Variants in FBXO21 observed in about 807,000 individuals in gnomAD.
FBXO21 encodes F-box protein 21, also known as F-box only protein 21.
FBXO21 carries 32 observed loss-of-function variants against 76.6 expected under a neutral mutation model. The observed-to-expected ratio is 0.42, with a 90% CI of 0.32 to 0.56. FBXO21 has a LOEUF of 0.56. Ranked by LOEUF, FBXO21 falls within the 20% of genes least tolerant of loss-of-function variation. FBXO21 has a pLI of 0.16. For missense variants in FBXO21, 586 were observed against 797.3 expected (o/e 0.73, Z 3.19); for synonymous variants, 328 against 311.5 (o/e 1.05, Z -0.56).
At chr12:117,147,378 G>A (rs1486323866) in intron 11 of FBXO21, among the ~76,000 whole-genome samples, 2 of 151,104 alleles carry the variant, frequency 1.3e-5, no homozygotes, top group African/African-American at 2.4e-5. Context: ...GAGGTAGGGG[G>A]TCATGAGGTC....
At chr12:117,183,737 C>T (rs1177077904) in intron 3 of FBXO21, among the ~76,000 whole-genome samples, 2 of 152,158 alleles carry the variant, frequency 1.3e-5, no homozygotes, top group East Asian at 1.9e-4. Context: ...TCACTGTCTC[C>T]GCATTGTCCT....
rs746210125 is a variant in FBXO21 at position 117,153,433 on chromosome 12, A to T, written c.1675+2358T>A. 9.0e-4 allele frequency among the ~76,000 whole-genome samples: 137 copies of T among 152,310 alleles called. 1 individual carries two copies. Among genetic ancestry groups the T allele is most frequent in the Non-Finnish European group, 1.1e-3 (74 of 68,026 alleles). ...ATGGGTTCAGTGAGTCGGGGTAACA[A>T]TGTTGGAGAGAAGACCCCTGAGAGC... On this transcript the variant is annotated intron_variant, in intron 11 of 11. Transcript: ENST00000622495.
At chr12:117,158,428 T>A (rs1042037851) in intron 9 of FBXO21, among the ~76,000 whole-genome samples, 13 of 152,184 alleles carry the variant, frequency 8.5e-5, no homozygotes, top group African/African-American at 3.1e-4. Flanking sequence ...TAACAGCACC[T>A]AGCATGCTTG....
At chr12:117,171,357 CAAAAAAA>C (rs57835444) in intron 7 of FBXO21, among the ~76,000 whole-genome samples, 22 of 52,660 alleles carry the variant, frequency 4.2e-4, no homozygotes, top group African/African-American at 1.0e-3. Flanking sequence ...GACCCTGTCT[CAAAAAAA>C]AAAAAAAAAA....
At chr12:117,183,811 T>G (rs1436415397) in intron 3 of FBXO21, among the ~76,000 whole-genome samples, 2 of 152,248 alleles carry the variant, frequency 1.3e-5, no homozygotes, top group Non-Finnish European at 2.9e-5. Context: ...GAATGTTCAC[T>G]GTGATCATTT....
intron 11 of FBXO21, among the ~76,000 whole-genome samples, chr12:117,150,600 A>G (rs1461630572): frequency 6.6e-6 from 1 of 150,862 alleles, no homozygotes; most frequent in Non-Finnish European, 1.5e-5. Flanking sequence ...TCCAGTCTGC[A>G]TAGACCCCAG....
intron 9 of FBXO21, among the ~76,000 whole-genome samples, chr12:117,159,987 C>A (rs1955959721): frequency 6.6e-6 from 1 of 152,186 alleles, no homozygotes; most frequent in Admixed American, 6.5e-5. Context: ...CATGCCGTCC[C>A]CACCAAATAC....
intron 3 of FBXO21, among the ~76,000 whole-genome samples, chr12:117,182,486 C>G (rs115354024): frequency 0.013 from 1,961 of 149,036 alleles, 33 homozygotes; most frequent in African/African-American, 0.045. Flanking sequence ...GAAACCCTGT[C>G]TCAAAAAAAC....
chr12:117,162,889 G>A (rs150058536), intron 9 of FBXO21, among the ~76,000 whole-genome samples: 13 of 152,242 alleles, frequency 8.5e-5, no homozygotes, highest in African/African-American at 2.9e-4. Context: ...CTGGAGTCAC[G>A]TACTTTTCTG....
chr12:117,173,363 A>G (rs1220849655), intron 6 of FBXO21, among the ~76,000 whole-genome samples: 1 of 152,206 alleles, frequency 6.6e-6, no homozygotes, highest in Non-Finnish European at 1.5e-5. Context: ...GGCCTGTTAC[A>G]GGAAAAGTTG....
chr12:117,167,296 A>C (rs1174994546), intron 7 of FBXO21, among the ~76,000 whole-genome samples: 1 of 152,192 alleles, frequency 6.6e-6, no homozygotes, highest in African/African-American at 2.4e-5. Context: ...ATGTCATCTA[A>C]TAGCGTTCTT....
At chr12:117,189,988 G>C (rs539684381) in intron 1 of FBXO21, among the ~76,000 whole-genome samples, 9 of 152,244 alleles carry the variant, frequency 5.9e-5, no homozygotes, top group African/African-American at 2.2e-4. Flanking sequence ...CCTTGACGGA[G>C]GACCCGGCTG....
chr12:117,178,468 C>T (rs1956195778), intron 3 of FBXO21, among the ~76,000 whole-genome samples: 1 of 152,074 alleles, frequency 6.6e-6, no homozygotes, highest in Admixed American at 6.6e-5. Context: ...GTCACGCCAC[C>T]CAATCCTCGC....
chr12:117,176,678 G>C (rs752808626), intron 4 of FBXO21, among the ~76,000 whole-genome samples: 5 of 152,118 alleles, frequency 3.3e-5, no homozygotes, highest in Non-Finnish European at 1.5e-5. Context: ...GACTGCATGA[G>C]ACTAGTTACA....
rs1352439453 is a variant in FBXO21 at position 117,181,535 on chromosome 12, CTATTTA to C, written c.471-3900_471-3895del. The stretch of plus-strand genomic sequence containing the variant: ...ACAATGTATGAATTTATCTATCTAT[CTATTTA>C]TATCTATCTATCTATCTGAGACAGT... On this transcript the variant is annotated intron_variant, in intron 3 of 11. Transcript: ENST00000622495. Among the ~76,000 whole-genome samples the C allele has an allele frequency of 4.6e-5, 7 of 152,002 alleles. No homozygotes were observed. In the East Asian group the frequency reaches 1.3e-3, roughly 29 times the overall value.
intron 7 of FBXO21, among the ~76,000 whole-genome samples, chr12:117,170,543 A>T (rs930450356): frequency 1.4e-4 from 21 of 152,214 alleles, no homozygotes; most frequent in African/African-American, 5.1e-4. Flanking sequence ...AAAAGTGGCC[A>T]AAGGCAGAGA....
chr12:117,187,596 G>A (rs1203067720), intron 2 of FBXO21, among the ~76,000 whole-genome samples: 2 of 152,168 alleles, frequency 1.3e-5, no homozygotes, highest in Non-Finnish European at 2.9e-5. Context: ...TTAATGTTAA[G>A]TATGCTCCCG....
At chr12:117,159,609 C>G (rs1459766731) in intron 9 of FBXO21, among the ~76,000 whole-genome samples, 1 of 152,196 alleles carries the variant, frequency 6.6e-6, no homozygotes, top group Non-Finnish European at 1.5e-5. Context: ...CCTCTACCTC[C>G]AGCCGGGTGC....
chr12:117,181,518 T>C (rs571188211), intron 3 of FBXO21, among the ~76,000 whole-genome samples: 3 of 152,332 alleles, frequency 2.0e-5, no homozygotes, highest in Non-Finnish European at 2.9e-5. Context: ...GTACAATGTA[T>C]GAATTTATCT....
Sources: gnomAD v4.1 joint callset for allele counts (sites outside exome capture counted in the v4.1 genomes callset) on GRCh38, gnomAD v4.1.1 for gene constraint, MANE v1.5 for transcripts, NCBI Gene and HGNC (gene_info 2026-07-23, HGNC 2026-07-21) for gene names.